BSPH1: variants seen among roughly 807,000 people sequenced by gnomAD.
BSPH1 encodes binder of sperm 1.
BSPH1 carries 21 observed loss-of-function variants against 22.5 expected under a neutral mutation model. That is an observed-to-expected ratio of 0.93 (90% CI 0.66 to 1.35). The LOEUF (loss-of-function observed/expected upper bound fraction) is 1.35. Ranked by LOEUF, BSPH1 falls within the 40% of genes most tolerant of loss-of-function variation. The pLI is 0.00. For missense variants in BSPH1, 141 were observed against 154.2 expected, an observed-to-expected ratio of 0.91 and a Z score of 0.45; for synonymous variants, 42 against 53.6, an observed-to-expected ratio of 0.78 and a Z score of 0.95.
chr19:47,974,269 C>A (rs10410536), intron 5 of BSPH1, among the ~76,000 whole-genome samples: 2 of 75,994 alleles, frequency 2.6e-5, no homozygotes, highest in Non-Finnish European at 2.6e-5. Context: ...CTCTCTCTCT[C>A]TTTTTTTTTT....
At chr19:47,987,215 A>T (rs1969479294) in intron 1 of BSPH1, among the ~76,000 whole-genome samples, 1 of 152,218 alleles carries the variant, frequency 6.6e-6, no homozygotes. Flanking sequence ...AAGACGAAGA[A>T]TTTGAGTGTC....
chr19:47,977,626 T>C, intron 3 of BSPH1, 122 bp from the exon 4 acceptor site: 3 of 1,462,308 alleles, frequency 2.1e-6, no homozygotes, highest in Non-Finnish European at 1.8e-6. Flanking sequence ...CTGTAGTAAA[T>C]GTTATTGTGC....
chr19:47,991,479 T>TCTTCTCTTCCTTCTCCTCCTC (rs1568400373), intron 1 of BSPH1, among the ~76,000 whole-genome samples: 2 of 92,482 alleles, frequency 2.2e-5, no homozygotes, highest in African/African-American at 7.6e-5. Flanking sequence ...TCCTCCTCCT[T>TCTTCTCTTCCTTCTCCTCCTC]CTTCTTCTCT....
chr19:47,971,128 C>A (rs899670553), intron 5 of BSPH1, among the ~76,000 whole-genome samples: 1 of 152,118 alleles, frequency 6.6e-6, no homozygotes, highest in African/African-American at 2.4e-5. Flanking sequence ...ATCACTGGGA[C>A]CGTCCCTGCT....
intron 1 of BSPH1, among the ~76,000 whole-genome samples, chr19:47,987,302 C>A (rs1434407681): frequency 2.6e-5 from 4 of 152,122 alleles, no homozygotes; most frequent in African/African-American, 9.7e-5. Context: ...TCTGATTAAC[C>A]CCGTCCTCGG....
In BSPH1 at chr19:47,971,834, G is replaced by A. The variant is rs546411161; in HGVS notation, c.*3-3625C>T. ...ATTGAGAGCACTCCTAAGAACACGCGTCTTGTTTTATTGTGCAAGAAGGAG... is the reference window on the plus strand; with the variant it reads ...ATTGAGAGCACTCCTAAGAACACGCATCTTGTTTTATTGTGCAAGAAGGAG... On this transcript the variant is annotated intron_variant, in intron 5 of 5. Coordinates refer to ENST00000344839, the MANE Select transcript of BSPH1 (RefSeq NM_001128326.2). 4.6e-5 allele frequency among the ~76,000 whole-genome samples: 7 copies of A among 152,206 alleles called. No homozygotes were observed. In the East Asian group the frequency reaches 5.8e-4, roughly 13 times the overall value.
intron 1 of BSPH1, among the ~76,000 whole-genome samples, chr19:47,982,714 G>A (rs1969430355): frequency 6.6e-6 from 1 of 152,150 alleles, no homozygotes; most frequent in Admixed American, 6.6e-5. Context: ...ACATGTCCGT[G>A]AGCAAATGAG....
At chr19:47,977,598 C>A in intron 3 of BSPH1, 94 bp from the exon 4 acceptor site, 1 of 1,498,346 alleles carries the variant, frequency 6.7e-7, no homozygotes, top group African/African-American at 1.4e-5. Context: ...CCTTTGAAAT[C>A]AGAGTCATTG....
intron 5 of BSPH1, among the ~76,000 whole-genome samples, chr19:47,969,205 C>T (rs559226507): frequency 3.9e-5 from 6 of 151,918 alleles, no homozygotes; most frequent in Admixed American, 1.3e-4. Flanking sequence ...ATTAGTTGGA[C>T]GTGGTAGACA....
At chr19:47,981,657 A>G in intron 1 of BSPH1, 12 of 620,522 alleles carry the variant, frequency 1.9e-5, no homozygotes, top group Non-Finnish European at 2.2e-5. Flanking sequence ...CTTACCAACC[A>G]TCTGCCCTCA....
At chr19:47,974,046 G>A (rs897701829) in intron 5 of BSPH1, among the ~76,000 whole-genome samples, 1 of 151,996 alleles carries the variant, frequency 6.6e-6, no homozygotes, top group Non-Finnish European at 1.5e-5. Context: ...AGTTTGGTGG[G>A]ATTACAAACT....
intron 3 of BSPH1, 56 bp downstream of exon 3, chr19:47,979,514 T>C: frequency 1.1e-6 from 1 of 887,478 alleles, no homozygotes; most frequent in Non-Finnish European, 1.7e-6. Flanking sequence ...TTTCCTCACT[T>C]TTACAAAATT....
chr19:47,969,821 T>TGA (rs984165322), intron 5 of BSPH1, among the ~76,000 whole-genome samples: 1 of 151,378 alleles, frequency 6.6e-6, no homozygotes. Flanking sequence ...TGTGTGTGTG[T>TGA]GAGAGAGAGA....
intron 1 of BSPH1, among the ~76,000 whole-genome samples, chr19:47,981,407 T>A (rs1314964513): frequency 6.6e-6 from 1 of 152,192 alleles, no homozygotes; most frequent in Non-Finnish European, 1.5e-5. Context: ...CTCTGAGGTA[T>A]GTAGGAAATG....
At chr19:47,984,667 T>C (rs1380163678) in intron 1 of BSPH1, among the ~76,000 whole-genome samples, 1 of 152,086 alleles carries the variant, frequency 6.6e-6, no homozygotes, top group African/African-American at 2.4e-5. Context: ...AAATACCACA[T>C]GTTCTCACTT....
At chr19:47,981,022 G>T in intron 1 of BSPH1, 81 bp from the exon 2 acceptor site, 1 of 761,498 alleles carries the variant, frequency 1.3e-6, no homozygotes, top group Non-Finnish European at 2.1e-6. Flanking sequence ...TTCTATTCTA[G>T]TAAGAATAAT....
At chr19:47,987,436 A>T (rs1343445693) in intron 1 of BSPH1, among the ~76,000 whole-genome samples, 1 of 144,952 alleles carries the variant, frequency 6.9e-6, no homozygotes, top group Admixed American at 7.0e-5. Flanking sequence ...CCCAGGTTGG[A>T]GTACAGTGGC....
chr19:47,979,077 G>A (rs551438741), intron 3 of BSPH1, among the ~76,000 whole-genome samples: 2 of 152,216 alleles, frequency 1.3e-5, no homozygotes, highest in Non-Finnish European at 2.9e-5. Context: ...AGCAGGCTCT[G>A]GAGCCAGCAA....
chr19:47,967,851 T>C (rs1969272988), downstream of BSPH1, among the ~76,000 whole-genome samples: 1 of 152,156 alleles, frequency 6.6e-6, no homozygotes, highest in African/African-American at 2.4e-5. Flanking sequence ...TCTGTGTTGC[T>C]TGGAAATAGA....
Sources: gnomAD v4.1 joint callset for allele counts (sites outside exome capture counted in the v4.1 genomes callset) on GRCh38, gnomAD v4.1.1 for gene constraint, MANE v1.5 for transcripts, NCBI Gene and HGNC (gene_info 2026-07-23, HGNC 2026-07-21) for gene names.